The following EIF5B variants were observed in gnomAD, a reference collection of about 807,000 sequenced individuals.
The protein encoded by EIF5B is eukaryotic translation initiation factor 5B.
A neutral mutation model predicts 147.5 loss-of-function variants in EIF5B; 47 were observed. The observed-to-expected ratio is 0.32, with a 90% CI of 0.25 to 0.41. The LOEUF is 0.41. EIF5B is among the 10% of genes least tolerant of loss of function. EIF5B has a pLI of 1.00. For synonymous variants in EIF5B, 455 were observed against 456.2 expected (o/e 1.00, Z 0.03); for missense variants, 1,064 against 1,413.2 (o/e 0.75, Z 3.96).
chr2:99,366,552 A>T (rs1179368665), intron 6 of EIF5B, among the ~76,000 whole-genome samples: 1 of 152,216 alleles, frequency 6.6e-6, no homozygotes, highest in Non-Finnish European at 1.5e-5. Flanking sequence ...GTTAGAGATA[A>T]CATTTTTAGT....
At chr2:99,360,758 T>A (rs6726711) in intron 3 of EIF5B, among the ~76,000 whole-genome samples, 126,658 of 152,200 alleles carry the variant, frequency 0.83, 53,277 homozygotes, top group Middle Eastern at 0.98. Flanking sequence ...ACATTTGGAG[T>A]TGTGATGTAA....
intron 1 of EIF5B, among the ~76,000 whole-genome samples, chr2:99,347,877 G>C (rs1186459915): frequency 2.0e-5 from 3 of 152,118 alleles, no homozygotes; most frequent in African/African-American, 7.2e-5. Flanking sequence ...AGTATACTGT[G>C]ATAAAGTGGC....
At position 99,398,939 on chromosome 2, in the gene EIF5B, T is replaced by C. The variant is rs375993860; in HGVS notation, c.3555+30T>C. 1.1e-3 allele frequency: 1,730 copies of C among 1,603,906 alleles called. 2 individuals carry two copies. The highest frequency in any genetic ancestry group is 1.4e-3 in the Non-Finnish European group (1,602 of 1,175,552). On this transcript the variant is annotated intron_variant, in intron 23 of 23. Transcript: ENST00000289371. ...GTATTTCAGCAAAAGTGGCACACTT[T>C]AAGCAACAGGGAATCACTCTTCTTG...
chr2:99,352,126 T>C (rs906841279), intron 1 of EIF5B, among the ~76,000 whole-genome samples: 2 of 152,238 alleles, frequency 1.3e-5, no homozygotes, highest in African/African-American at 4.8e-5. Context: ...GTGTTGTTTC[T>C]TTGTAGGCAA....
chr2:99,379,215 T>TA (rs1308403744), intron 11 of EIF5B, 89 bp downstream of exon 11: 1 of 1,407,030 alleles, frequency 7.1e-7, no homozygotes, highest in East Asian at 2.4e-5. Context: ...ATAGGACATA[T>TA]AAGCAATTCT....
chr2:99,343,064 G>A (rs1169549469), intron 1 of EIF5B, among the ~76,000 whole-genome samples: 2 of 151,064 alleles, frequency 1.3e-5, no homozygotes, highest in South Asian at 2.1e-4. Flanking sequence ...GGATTCAAGC[G>A]ATTCTCATGC....
At chr2:99,357,784 A>G (rs1022042855) in intron 1 of EIF5B, among the ~76,000 whole-genome samples, 1 of 152,062 alleles carries the variant, frequency 6.6e-6, no homozygotes, top group Admixed American at 6.6e-5. Context: ...CTTTGGGGAT[A>G]CTCCTGGGAG....
At chr2:99,356,970 G>T (rs1456741518) in intron 1 of EIF5B, among the ~76,000 whole-genome samples, 1 of 152,156 alleles carries the variant, frequency 6.6e-6, no homozygotes, top group Admixed American at 6.5e-5. Context: ...AGAGTTCTCT[G>T]TGTATTTGGG....
chr2:99,337,647 G>A, intron 1 of EIF5B, 58 bp downstream of exon 1: 2 of 1,550,636 alleles, frequency 1.3e-6, no homozygotes, highest in Non-Finnish European at 1.7e-6. Context: ...GAGTGTGCGG[G>A]TCTCGCCGGG....
Position 99,398,892 on chromosome 2 carries a change from G to A in EIF5B, c.3538G>A (p.Asp1180Asn), listed in dbSNP as rs1366504380. Residue 1180 changes from aspartate to asparagine, a missense_variant, in exon 23 of 24, where the codon GAT becomes AAT. Around this residue, in one of 4 missense-constraint regions of EIF5B, gnomAD observed 380 missense variants for 715.6 expected, o/e 0.53. Transcript: ENST00000289371. ...KMFGRHFEAT[D>N]ILVSKISRQS... ...GTTTGGAAGACATTTTGAAGCTACA[G>A]ATATTCTTGTTAGTAAGGTAAGTAT... The A allele has an allele frequency of 6.2e-7, 1 of 1,613,070 alleles. No homozygotes were observed. The highest frequency in any genetic ancestry group is 8.5e-7 in the Non-Finnish European group (1 of 1,179,788).
chr2:99,361,430 C>T lies in EIF5B; in HGVS notation c.529C>T (p.Arg177Cys), dbSNP rs769559304. 16 of 1,613,574 alleles carry T rather than the reference C, an allele frequency of 9.9e-6. No individual in the cohort carries two copies. Among genetic ancestry groups the T allele is most frequent in the South Asian group, 9.9e-5 (9 of 91,068 alleles). The change falls in exon 4 of 24, where the codon CGT becomes TGT. Residue 177 changes from arginine to cysteine, a missense_variant. Arg to Cys is a radical substitution (Grantham distance 180). This residue lies in a region of EIF5B where 458 missense variants were observed against 451.3 expected (regional missense o/e 1.01). Coordinates refer to ENST00000289371, the MANE Select transcript of EIF5B (RefSeq NM_015904.4). The part of the protein sequence containing the change: ...DEDNSKKIKE[R>C]SRINSSGESG... Reference sequence around the variant, plus strand: ...GGATAACAGTAAAAAAATTAAAGAGCGTTCAAGAATAAATTCTTCTGGTGA... The same window carrying T: ...GGATAACAGTAAAAAAATTAAAGAGTGTTCAAGAATAAATTCTTCTGGTGA...
Position 99,379,146 on chromosome 2 carries a change from A to G in EIF5B, c.1950+20A>G, listed in dbSNP as rs1674638074. On this transcript the variant is annotated intron_variant, in intron 11 of 23. Transcript: ENST00000289371. ...GATAAGGTAAGAAAGTATTAAATGTATTGATAGAACTTTGAAAATAAGTGA... is the reference window on the plus strand; with the variant it reads ...GATAAGGTAAGAAAGTATTAAATGTGTTGATAGAACTTTGAAAATAAGTGA... The G allele has an allele frequency of 3.8e-6, 6 of 1,565,974 alleles. No individual in the cohort carries two copies. Among genetic ancestry groups the G allele is most frequent in the Non-Finnish European group, 4.3e-6 (5 of 1,154,232 alleles).
At chr2:99,363,438 A>T (rs1674262354) in intron 4 of EIF5B, among the ~76,000 whole-genome samples, 1 of 152,158 alleles carries the variant, frequency 6.6e-6, no homozygotes, top group African/African-American at 2.4e-5. Context: ...TCAGTATTGC[A>T]GACTTCTCAG....
chr2:99,375,337 G>A (rs1048801733), intron 9 of EIF5B, among the ~76,000 whole-genome samples: 1 of 152,168 alleles, frequency 6.6e-6, no homozygotes, highest in Non-Finnish European at 1.5e-5. Flanking sequence ...AGGTACCTGA[G>A]TGAACTAGCA....
chr2:99,348,603 TAAG>T (rs1216413587), intron 1 of EIF5B, among the ~76,000 whole-genome samples: 5 of 152,232 alleles, frequency 3.3e-5, no homozygotes, highest in Non-Finnish European at 7.3e-5. Flanking sequence ...GAGATAGAGT[TAAG>T]AATAAAGAGA....
intron 19 of EIF5B, 38 bp from the exon 20 acceptor site, chr2:99,394,471 A>G: frequency 6.2e-7 from 1 of 1,614,016 alleles, no homozygotes; most frequent in African/African-American, 1.3e-5. Flanking sequence ...CCATTACCTG[A>G]TACATACAGA....
At chr2:99,355,504 A>G (rs1674076337) in intron 1 of EIF5B, among the ~76,000 whole-genome samples, 1 of 151,564 alleles carries the variant, frequency 6.6e-6, no homozygotes, top group South Asian at 2.1e-4. Context: ...AGTACTTTAC[A>G]TATTTTGTTA....
At chr2:99,349,013 T>A (rs2094278667) in intron 1 of EIF5B, among the ~76,000 whole-genome samples, 1 of 152,190 alleles carries the variant, frequency 6.6e-6, no homozygotes, top group African/African-American at 2.4e-5. Flanking sequence ...AGCTGGAGCA[T>A]CTCTATTTGA....
At chr2:99,389,677 T>C (rs761718118) in intron 14 of EIF5B, 41 bp from the exon 15 acceptor site, 3 of 1,567,982 alleles carry the variant, frequency 1.9e-6, no homozygotes, top group Non-Finnish European at 2.6e-6. Flanking sequence ...TTGAATGTTC[T>C]GAATTTTTTA....
Sources: allele counts gnomAD v4.1 joint callset (sites outside exome capture counted in the v4.1 genomes callset), GRCh38; gene constraint gnomAD v4.1.1; regional missense constraint gnomAD v4.1.1; transcripts MANE v1.5; gene names NCBI Gene and HGNC (gene_info 2026-07-23, HGNC 2026-07-21).